CLBA1: variants seen among roughly 807,000 people sequenced by gnomAD.
The protein encoded by CLBA1 is clathrin binding box of aftiphilin containing 1.
CLBA1 carries 30 observed loss-of-function variants against 28.8 expected under a neutral mutation model. The ratio of observed to expected loss-of-function variants is 1.04; its 90% CI spans 0.78 to 1.41. The LOEUF is 1.41. Ranked by LOEUF, CLBA1 falls within the 40% of genes most tolerant of loss-of-function variation. CLBA1 has a pLI of 0.00. For missense variants in CLBA1, 451 were observed against 412.3 expected, an observed-to-expected ratio of 1.09 and a Z score of -0.81; for synonymous variants, 160 against 152.8, an observed-to-expected ratio of 1.05 and a Z score of -0.35.
At chr14:104,992,880 C>A in intron 3 of CLBA1, 68 bp from the exon 4 acceptor site, 1 of 1,266,882 alleles carries the variant, frequency 7.9e-7, no homozygotes, top group Middle Eastern at 1.9e-4. Flanking sequence ...TAGAGGGGCT[C>A]AGGGGAAAAG....
rs760878390 is a variant in CLBA1 at position 104,991,608 on chromosome 14, T to C, written c.687T>C (p.Asp229=). 30 of 1,612,336 alleles carry C rather than the reference T, an allele frequency of 1.9e-5. No individual in the cohort carries two copies. The highest frequency in any genetic ancestry group is 2.4e-5 in the Non-Finnish European group (28 of 1,179,208). Residue 229 remains aspartate (D), a synonymous_variant, in exon 3 of 5, where the codon GAT becomes GAC. Coordinates refer to ENST00000547315, the MANE Select transcript of CLBA1 (RefSeq NM_174891.4). ...QENFFLVLGI[D]AAQKNLSGGQ... is the part of the protein sequence containing the mutation. ...ACTTCTTTCTTGTTCTCGGAATAGATGCTGCGCAGAAGGTAGGCGGTTTGG... is the reference window on the plus strand; with the variant it reads ...ACTTCTTTCTTGTTCTCGGAATAGACGCTGCGCAGAAGGTAGGCGGTTTGG...
chr14:104,988,072 A>G (rs1250646505), intron 1 of CLBA1, among the ~76,000 whole-genome samples: 1 of 135,104 alleles, frequency 7.4e-6, no homozygotes, highest in Non-Finnish European at 1.7e-5. Context: ...CAATTAGAGC[A>G]TAGTTGAAAT....
chr14:104,994,379 C>T, intron 4 of CLBA1: 1 of 985,472 alleles, frequency 1.0e-6, no homozygotes, highest in Non-Finnish European at 1.2e-6. Context: ...TCGGGGCTGG[C>T]TGCAGGCCAG....
At chr14:104,989,198 T>A in intron 2 of CLBA1, 110 bp downstream of exon 2, 11 of 1,087,478 alleles carry the variant, frequency 1.0e-5, no homozygotes, top group African/African-American at 1.6e-5. Flanking sequence ...GCATCTCTCC[T>A]GAGGTCCCTG....
intron 4 of CLBA1, chr14:104,993,865 A>T (rs1250554161): frequency 2.0e-6 from 2 of 985,332 alleles, no homozygotes. Flanking sequence ...GCGCAGGGGT[A>T]AAGTACTGCC....
chr14:104,997,494 C>A (rs978612100), downstream of CLBA1, among the ~76,000 whole-genome samples: 2 of 152,186 alleles, frequency 1.3e-5, no homozygotes, highest in East Asian at 3.8e-4. Context: ...AAATAATCCA[C>A]AAATCCAAGA....
chr14:105,001,175 C>T (rs115000529), intron 2 of CLBA1, among the ~76,000 whole-genome samples: 1,722 of 152,130 alleles, frequency 0.011, 30 homozygotes, highest in African/African-American at 0.038. Flanking sequence ...ACAAACCCCA[C>T]GTGATCTCAC....
chr14:104,993,617 C>A (rs1343682835), intron 4 of CLBA1: 2 of 985,450 alleles, frequency 2.0e-6, no homozygotes, highest in South Asian at 4.7e-5. Context: ...AAGGGGACTT[C>A]TTCTTGCAGC....
intron 2 of CLBA1, among the ~76,000 whole-genome samples, chr14:105,001,232 A>G (rs557779152): frequency 5.3e-5 from 8 of 152,348 alleles, no homozygotes; most frequent in African/African-American, 1.7e-4. Context: ...GTGGTGGCTC[A>G]TGCCTGTAAT....
chr14:105,000,080 C>T (rs1900237648), downstream of CLBA1, among the ~76,000 whole-genome samples: 1 of 152,212 alleles, frequency 6.6e-6, no homozygotes, highest in African/African-American at 2.4e-5. Flanking sequence ...TCGAATAACA[C>T]ACAGCGAGGA....
chr14:104,991,594 G>C lies in CLBA1; in HGVS notation c.673G>C (p.Val225Leu), dbSNP rs571781380. ...ESRCQENFFL[V>L]LGIDAAQKNL... ...CCGTTGCCAGGAGAACTTCTTTCTT[G>C]TTCTCGGAATAGATGCTGCGCAGAA... Residue 225 changes from valine (V) to leucine (L), a missense_variant, in exon 3 of 5, where the codon GTT becomes CTT. Transcript: ENST00000547315. 6.8e-6 allele frequency: 11 copies of C among 1,613,440 alleles called. No homozygotes were observed. The African/African-American group carries it at 1.1e-4, about 16-fold the overall frequency.
chr14:104,996,601 G>A (rs1039020911), downstream of CLBA1, among the ~76,000 whole-genome samples: 10 of 152,230 alleles, frequency 6.6e-5, no homozygotes, highest in African/African-American at 2.4e-4. Flanking sequence ...GGCTGAGGAA[G>A]AGGCTGCAAG....
chr14:104,989,842 G>A (rs1394926547), intron 2 of CLBA1: 3 of 398,200 alleles, frequency 7.5e-6, no homozygotes, highest in East Asian at 1.5e-4. Flanking sequence ...GCTGATTTTT[G>A]TGTCTCTGAG....
chr14:105,001,059 T>C (rs1378558007), intron 2 of CLBA1, among the ~76,000 whole-genome samples: 1 of 121,122 alleles, frequency 8.3e-6, no homozygotes, highest in African/African-American at 2.9e-5. Context: ...TGGGATACTA[T>C]TCAGCTGTAA....
chr14:104,997,450 G>A (rs554251613), downstream of CLBA1, among the ~76,000 whole-genome samples: 2 of 152,254 alleles, frequency 1.3e-5, no homozygotes, highest in African/African-American at 2.4e-5. Flanking sequence ...TTCCAAGACC[G>A]AATCACTAAG....
At chr14:104,994,146 C>G (rs949141483) in intron 4 of CLBA1, 25 of 985,434 alleles carry the variant, frequency 2.5e-5, no homozygotes, top group Non-Finnish European at 2.9e-5. Flanking sequence ...GAGGGTTATC[C>G]TAGAGCAGCA....
Position 104,995,083 on chromosome 14 carries a change from G to T in CLBA1, c.*324G>T. ...GGGGTTGCCCAGGGATGGACCCTGG[G>T]CATGGCTTCTGGGCTGCTTAGTCCA... On this transcript the variant is annotated 3_prime_UTR_variant, in exon 5 of 5. Transcript: ENST00000547315. 1 of 1,029,558 alleles carries T rather than the reference G, an allele frequency of 9.7e-7. No individual in the cohort carries two copies. The highest frequency in any genetic ancestry group is 1.7e-5 in the African/African-American group (1 of 58,710). 63.8% of individuals were successfully genotyped at this position (1,029,558 alleles called of 1,614,324 possible). A position where few individuals can be genotyped will look rare whatever the true frequency, so the allele number is the denominator to read the frequency against.
intron 2 of CLBA1, chr14:104,989,848 C>G (rs894467407): frequency 1.8e-5 from 7 of 393,852 alleles, no homozygotes; most frequent in South Asian, 1.3e-4. Flanking sequence ...TTTTGTGTCT[C>G]TGAGCAGGCC....
downstream of CLBA1, among the ~76,000 whole-genome samples, chr14:104,996,365 C>T (rs1038637170): frequency 6.6e-6 from 1 of 152,260 alleles, no homozygotes; most frequent in Non-Finnish European, 1.5e-5. Context: ...GCCAAGCCCC[C>T]AGGGTCTGGA....
Sources: allele counts gnomAD v4.1 joint callset (sites outside exome capture counted in the v4.1 genomes callset), GRCh38; gene constraint gnomAD v4.1.1; transcripts MANE v1.5; gene names NCBI Gene and HGNC (gene_info 2026-07-23, HGNC 2026-07-21).